The following UBE2D3 variants were observed in gnomAD, a reference collection of about 807,000 sequenced individuals.
The protein encoded by UBE2D3 is ubiquitin conjugating enzyme E2 D3, also known as ubiquitin-conjugating enzyme E2 D3.
Under a neutral mutation model 22.8 loss-of-function variants are expected in UBE2D3, and 2 were observed. The observed-to-expected ratio is 0.09, with a 90% CI of 0.04 to 0.28. The LOEUF is 0.28. Ranked by LOEUF, UBE2D3 falls within the 10% of genes least tolerant of loss-of-function variation. UBE2D3 has a pLI of 1.00. For missense variants in UBE2D3, 27 were observed against 182.5 expected, an observed-to-expected ratio of 0.15 and a Z score of 4.91; for synonymous variants, 56 against 60.4, an observed-to-expected ratio of 0.93 and a Z score of 0.34.
At chr4:102,861,897 A>G (rs1732918012) in intron 1 of UBE2D3, among the ~76,000 whole-genome samples, 1 of 151,956 alleles carries the variant, frequency 6.6e-6, no homozygotes, top group Non-Finnish European at 1.5e-5. Context: ...ACTCTATTCT[A>G]TCATGTGTTT....
At chr4:102,846,350 T>G (rs1732040786) in intron 1 of UBE2D3, among the ~76,000 whole-genome samples, 1 of 152,256 alleles carries the variant, frequency 6.6e-6, no homozygotes, top group Non-Finnish European at 1.5e-5. Flanking sequence ...TTCTGGCATT[T>G]TGGCCATCTT....
chr4:102,799,554 A>G (rs1725792274), intron 6 of UBE2D3, 54 bp from the exon 7 acceptor site: 2 of 1,449,310 alleles, frequency 1.4e-6, no homozygotes, highest in Admixed American at 2.0e-5. Context: ...GGATAAATAA[A>G]TTTTTCTAAA....
chr4:102,797,873 A>T (rs1025453429), intron 7 of UBE2D3, among the ~76,000 whole-genome samples: 4 of 152,004 alleles, frequency 2.6e-5, no homozygotes, highest in African/African-American at 9.7e-5. Flanking sequence ...CTTTTACTAG[A>T]ACAATTTTAT....
intron 2 of UBE2D3, among the ~76,000 whole-genome samples, chr4:102,817,484 A>C (rs1253358792): frequency 6.6e-6 from 1 of 152,212 alleles, no homozygotes; most frequent in Non-Finnish European, 1.5e-5. Flanking sequence ...GAACATGTTC[A>C]GCTTTAGGAT....
intron 2 of UBE2D3, among the ~76,000 whole-genome samples, chr4:102,817,480 G>A (rs1436474995): frequency 6.6e-6 from 1 of 152,148 alleles, no homozygotes; most frequent in African/African-American, 2.4e-5. Context: ...CATAGAACAT[G>A]TTCAGCTTTA....
At chr4:102,827,121 CTG>C (rs947425818) in intron 1 of UBE2D3, 19 of 985,794 alleles carry the variant, frequency 1.9e-5, no homozygotes, top group Middle Eastern at 5.2e-4. Flanking sequence ...GCGAGCTATT[CTG>C]TGTCACCCCT....
intron 1 of UBE2D3, among the ~76,000 whole-genome samples, chr4:102,853,134 C>CT (rs1560891590): frequency 1.2e-5 from 1 of 80,760 alleles, no homozygotes; most frequent in African/African-American, 7.7e-5. Context: ...CAAACACACA[C>CT]ATTTTTTTTT....
chr4:102,801,755 A>G (rs1452458386), intron 5 of UBE2D3, 196 bp from the exon 6 acceptor site: 2 of 459,262 alleles, frequency 4.4e-6, no homozygotes, highest in East Asian at 7.6e-5. Flanking sequence ...AAACTTTTGG[A>G]TAAAAATTTC....
At position 102,868,826 on chromosome 4, in the gene UBE2D3, G is replaced by T; in HGVS notation, c.-240C>A. On this transcript the variant is annotated 5_prime_UTR_variant, in exon 1 of 8. Transcript: ENST00000338145. ...CAGACGTTAAAGGCCCAAGAGGAGG[G>T]CCACCTTCACACGAGATTCCGAGGA... 4 of 1,595,246 alleles carry T rather than the reference G, an allele frequency of 2.5e-6. No individual in the cohort carries two copies. In the South Asian group the frequency reaches 3.3e-5, roughly 13 times the overall value.
At chr4:102,845,362 A>G (rs1000902802) in intron 1 of UBE2D3, among the ~76,000 whole-genome samples, 5 of 152,226 alleles carry the variant, frequency 3.3e-5, no homozygotes, top group African/African-American at 7.2e-5. Context: ...TTGAAAAAAT[A>G]CTGATGCCTG....
chr4:102,831,351 C>G (rs1731107196), upstream of UBE2D3, among the ~76,000 whole-genome samples: 1 of 152,142 alleles, frequency 6.6e-6, no homozygotes, highest in African/African-American at 2.4e-5. Flanking sequence ...TTATTTCATG[C>G]TAAGATGTCA....
intron 2 of UBE2D3, among the ~76,000 whole-genome samples, chr4:102,820,278 C>T (rs142973053): frequency 4.6e-4 from 70 of 152,096 alleles, no homozygotes; most frequent in African/African-American, 1.6e-3. Context: ...TATGTAGATG[C>T]GAATATCAAG....
chr4:102,852,424 A>G (rs1393487409), intron 1 of UBE2D3, among the ~76,000 whole-genome samples: 1 of 152,236 alleles, frequency 6.6e-6, no homozygotes, highest in East Asian at 1.9e-4. Context: ...ATGTTCATGT[A>G]TATATATACA....
intron 1 of UBE2D3, among the ~76,000 whole-genome samples, chr4:102,860,397 T>C (rs1339617975): frequency 1.4e-5 from 2 of 144,080 alleles, no homozygotes; most frequent in East Asian, 4.0e-4. Flanking sequence ...GGTTGTCATG[T>C]TTTCCTGGTG....
chr4:102,826,893 G>C (rs1730598527), intron 1 of UBE2D3: 7 of 1,055,660 alleles, frequency 6.6e-6, no homozygotes, highest in South Asian at 3.2e-5. Flanking sequence ...TAGGAGAAAG[G>C]GGTGGGTGCG....
intron 1 of UBE2D3, chr4:102,837,008 T>G (rs1452959645): frequency 1.3e-5 from 2 of 152,258 alleles, no homozygotes; most frequent in Admixed American, 1.3e-4. Context: ...AAATTTAAGA[T>G]TTCACTATAT....
chr4:102,834,246 C>T (rs1236365223), intron 1 of UBE2D3, among the ~76,000 whole-genome samples: 1 of 152,116 alleles, frequency 6.6e-6, no homozygotes, highest in Non-Finnish European at 1.5e-5. Context: ...TACTTTTGTT[C>T]CTAAAACAGA....
intron 1 of UBE2D3, among the ~76,000 whole-genome samples, chr4:102,852,890 G>A (rs979963288): frequency 6.6e-6 from 1 of 152,098 alleles, no homozygotes; most frequent in African/African-American, 2.4e-5. Context: ...CCCCTCACCA[G>A]CCATAGTTGC....
intron 1 of UBE2D3, among the ~76,000 whole-genome samples, chr4:102,856,454 G>A (rs999225853): frequency 7.9e-5 from 12 of 152,154 alleles, no homozygotes. Context: ...TTGAGATACA[G>A]AATTTTAATA....
Sources: gnomAD v4.1 joint callset for allele counts (sites outside exome capture counted in the v4.1 genomes callset) on GRCh38, gnomAD v4.1.1 for gene constraint, MANE v1.5 for transcripts, NCBI Gene and HGNC (gene_info 2026-07-23, HGNC 2026-07-21) for gene names.